LHFPL3: variants seen among roughly 807,000 people sequenced by gnomAD.
LHFPL3 encodes LHFPL tetraspan subfamily member 3, also known as LHFPL tetraspan subfamily member 3 protein.
Under a neutral mutation model 19.3 loss-of-function variants are expected in LHFPL3, and 5 were observed. The ratio of observed to expected loss-of-function variants is 0.26; its 90% CI spans 0.14 to 0.54. LHFPL3 has a LOEUF of 0.54. LHFPL3 is among the 20% of genes least tolerant of loss of function. The pLI, the probability that LHFPL3 is intolerant of heterozygous loss-of-function variation, is 0.94. For missense variants in LHFPL3, 249 were observed against 307.4 expected (o/e 0.81, Z 1.42); for synonymous variants, 133 against 126.2 (o/e 1.05, Z -0.36).
At chr7:104,777,707 C>T (rs544831056) in intron 2 of LHFPL3, among the ~76,000 whole-genome samples, 3 of 152,282 alleles carry the variant, frequency 2.0e-5, no homozygotes, top group Non-Finnish European at 4.4e-5. Context: ...ATTTCACTGT[C>T]CTCTCTGGCT....
intron 1 of LHFPL3, among the ~76,000 whole-genome samples, chr7:104,672,257 A>G (rs1349037630): frequency 6.6e-6 from 1 of 152,052 alleles, no homozygotes; most frequent in East Asian, 1.9e-4. Flanking sequence ...GATGTGAAAT[A>G]TTTTTAATAT....
At chr7:104,418,566 G>A (rs1000649895) in intron 1 of LHFPL3, among the ~76,000 whole-genome samples, 1 of 152,138 alleles carries the variant, frequency 6.6e-6, no homozygotes, top group African/African-American at 2.4e-5. Context: ...AATGGGTCAA[G>A]TCGCTTTGAA....
Position 104,379,856 on chromosome 7 carries a change from G to A in LHFPL3, c.445+50632G>A, listed in dbSNP as rs1431970813. Among the ~76,000 whole-genome samples the A allele has an allele frequency of 3.3e-5, 5 of 152,180 alleles. No individual in the cohort carries two copies. The South Asian group carries it at 6.2e-4, about 19-fold the overall frequency. ...ACCCTCAGTCCCAGCGCTATGCCAA[G>A]TGTTGCACAAACTTGTGCTTATCAT... is the stretch of plus-strand genomic sequence containing the variant. On this transcript the variant is annotated intron_variant, in intron 1 of 2. Transcript: ENST00000424859.
intron 1 of LHFPL3, among the ~76,000 whole-genome samples, chr7:104,572,212 G>A (rs80280890): frequency 0.049 from 7,413 of 152,194 alleles, 237 homozygotes; most frequent in African/African-American, 0.088. Context: ...TTGCCATTGC[G>A]TGTAGTGGCA....
At chr7:104,461,383 T>G (rs1245858826) in intron 1 of LHFPL3, among the ~76,000 whole-genome samples, 1 of 152,152 alleles carries the variant, frequency 6.6e-6, no homozygotes, top group Non-Finnish European at 1.5e-5. Flanking sequence ...TTTTTGTATA[T>G]GGTGTAAGGA....
At chr7:104,329,437 G>A (rs967660455) in intron 1 of LHFPL3, among the ~76,000 whole-genome samples, 2 of 152,242 alleles carry the variant, frequency 1.3e-5, no homozygotes, top group Non-Finnish European at 2.9e-5. Flanking sequence ...CGGGGCTTTC[G>A]TGAGCCTCCC....
chr7:104,509,489 T>G (rs1793768493), intron 1 of LHFPL3, among the ~76,000 whole-genome samples: 1 of 152,054 alleles, frequency 6.6e-6, no homozygotes, highest in Admixed American at 6.6e-5. Flanking sequence ...AATCACATGA[T>G]TGTATCAATA....
At chr7:104,858,153 A>G (rs2116629314) in intron 2 of LHFPL3, among the ~76,000 whole-genome samples, 1 of 152,290 alleles carries the variant, frequency 6.6e-6, no homozygotes, top group Middle Eastern at 3.4e-3. Flanking sequence ...CTCAGTTACA[A>G]GCTGTGGGAG....
intron 2 of LHFPL3, among the ~76,000 whole-genome samples, chr7:104,885,072 G>A (rs577724003): frequency 4.6e-5 from 7 of 152,336 alleles, no homozygotes; most frequent in East Asian, 3.9e-4. Flanking sequence ...TAGGTGCAGC[G>A]TGGACTAGTG....
intron 1 of LHFPL3, among the ~76,000 whole-genome samples, chr7:104,602,025 T>C (rs1434010555): frequency 7.5e-6 from 1 of 134,154 alleles, no homozygotes; most frequent in East Asian, 2.2e-4. Context: ...CTTTTCTTTT[T>C]TTTTTTTTTT....
At chr7:104,430,443 T>TACATATAC in intron 1 of LHFPL3, among the ~76,000 whole-genome samples, 1 of 20,612 alleles carries the variant, frequency 4.9e-5, no homozygotes, top group Non-Finnish European at 8.1e-5. Context: ...TATATATATA[T>TACATATAC]ATATATATAT....
intron 2 of LHFPL3, among the ~76,000 whole-genome samples, chr7:104,817,889 C>T (rs1790595428): frequency 6.6e-6 from 1 of 152,204 alleles, no homozygotes; most frequent in South Asian, 2.1e-4. Context: ...CGATACCTAG[C>T]ACCAGGACTT....
intron 2 of LHFPL3, among the ~76,000 whole-genome samples, chr7:104,770,619 T>C (rs1794534377): frequency 6.6e-6 from 1 of 152,188 alleles, no homozygotes; most frequent in Admixed American, 6.5e-5. Context: ...GAATGGTGAA[T>C]ATCTAACACT....
chr7:104,523,848 T>A (rs545906644), intron 1 of LHFPL3, among the ~76,000 whole-genome samples: 48 of 152,284 alleles, frequency 3.2e-4, no homozygotes, highest in African/African-American at 1.1e-3. Flanking sequence ...AACCTGGCAA[T>A]GCTCCTCAGG....
At position 104,783,176 on chromosome 7, in the gene LHFPL3, G is replaced by A. The variant is rs995343238; in HGVS notation, c.682+46265G>A. ...TTTAACAACCCCACAAGGTGCTTCT[G>A]GTGCACATTGAAGTCAGAATCACTG... is the stretch of plus-strand genomic sequence containing the variant. On this transcript the variant is annotated intron_variant, in intron 2 of 2. Transcript: ENST00000424859. Among the ~76,000 whole-genome samples the A allele has an allele frequency of 3.3e-5, 5 of 152,308 alleles. No homozygotes were observed. The East Asian group carries it at 9.6e-4, about 29-fold the overall frequency.
intron 1 of LHFPL3, among the ~76,000 whole-genome samples, chr7:104,665,382 T>C (rs962076948): frequency 1.3e-5 from 2 of 152,220 alleles, no homozygotes; most frequent in Non-Finnish European, 2.9e-5. Flanking sequence ...GAGGATAATA[T>C]GGTTTAGAGA....
At chr7:104,901,381 G>A (rs183962569) in intron 2 of LHFPL3, among the ~76,000 whole-genome samples, 32 of 152,244 alleles carry the variant, frequency 2.1e-4, no homozygotes, top group African/African-American at 7.7e-4. Flanking sequence ...CATGCCCTGG[G>A]GTTTCTGTTG....
At chr7:104,545,162 T>A (rs915603721) in intron 1 of LHFPL3, among the ~76,000 whole-genome samples, 2 of 152,206 alleles carry the variant, frequency 1.3e-5, no homozygotes, top group Non-Finnish European at 2.9e-5. Flanking sequence ...ACTTACATTA[T>A]TCCTATAAAA....
intron 2 of LHFPL3, among the ~76,000 whole-genome samples, chr7:104,808,372 G>A (rs1790405939): frequency 1.3e-5 from 2 of 152,192 alleles, no homozygotes; most frequent in Admixed American, 1.3e-4. Flanking sequence ...GGTGGCTGGA[G>A]AGACTACATT....
Sources: gnomAD v4.1 joint callset for allele counts (sites outside exome capture counted in the v4.1 genomes callset) on GRCh38, gnomAD v4.1.1 for gene constraint, MANE v1.5 for transcripts, NCBI Gene and HGNC (gene_info 2026-07-23, HGNC 2026-07-21) for gene names.